CCT6B: variants seen among roughly 807,000 people sequenced by gnomAD.
CCT6B encodes chaperonin containing TCP1 subunit 6B, also known as probable T-complex protein 1 subunit zeta-2.
CCT6B carries 49 observed loss-of-function variants against 61.5 expected under a neutral mutation model. The observed-to-expected ratio is 0.80, with a 90% confidence interval of 0.63 to 1.01. The LOEUF is 1.01. CCT6B is among the 50% of genes least tolerant of loss of function. The probability of loss-of-function intolerance (pLI) is 0.00; values close to 1 mark genes in which losing one functional copy is unlikely to be tolerated. For missense variants in CCT6B, 666 were observed against 634.7 expected (o/e 1.05, Z -0.53); for synonymous variants, 228 against 214.5 (o/e 1.06, Z -0.55).
At chr17:34,957,315 T>C (rs1198022832) in intron 3 of CCT6B, among the ~76,000 whole-genome samples, 1 of 151,994 alleles carries the variant, frequency 6.6e-6, no homozygotes, top group African/African-American at 2.4e-5. Flanking sequence ...TGGCTAATTT[T>C]GTATTTTTAG....
intron 10 of CCT6B, among the ~76,000 whole-genome samples, chr17:34,937,444 C>T (rs2090107362): frequency 6.6e-6 from 1 of 152,072 alleles, no homozygotes; most frequent in Admixed American, 6.5e-5. Context: ...ATTTTTTATA[C>T]ACGAGAAAAG....
chr17:34,945,735 G>C (rs1254262739), intron 5 of CCT6B, among the ~76,000 whole-genome samples: 1 of 152,122 alleles, frequency 6.6e-6, no homozygotes, highest in Non-Finnish European at 1.5e-5. Flanking sequence ...CTCAGCAATA[G>C]TAGGCTAACT....
intron 5 of CCT6B, 64 bp from the exon 6 acceptor site, chr17:34,942,970 A>G: frequency 1.1e-6 from 1 of 887,202 alleles, no homozygotes; most frequent in Non-Finnish European, 1.8e-6. Context: ...TAAAATTATC[A>G]TTGTACTATT....
chr17:34,941,471 T>G (rs1373472887), intron 7 of CCT6B, among the ~76,000 whole-genome samples: 1 of 152,224 alleles, frequency 6.6e-6, no homozygotes, highest in Non-Finnish European at 1.5e-5. Context: ...CTTTTAAGTA[T>G]TGGAAAGCTG....
chr17:34,956,884 A>G (rs1465985261), intron 3 of CCT6B, among the ~76,000 whole-genome samples: 1 of 152,056 alleles, frequency 6.6e-6, no homozygotes, highest in Admixed American at 6.6e-5. Context: ...ATCATGGCTT[A>G]CTGCGGCCTC....
In CCT6B at chr17:34,940,597, A is replaced by C; in HGVS notation, c.910T>G (p.Ser304Ala). The C allele has an allele frequency of 6.4e-7, 1 of 1,561,468 alleles. No individual in the cohort carries two copies. Among genetic ancestry groups the C allele is most frequent in the Non-Finnish European group, 8.7e-7 (1 of 1,145,338 alleles). Residue 304 changes from serine (S) to alanine (A), a missense_variant, in exon 8 of 14, where the codon TCT (serine) becomes GCT (alanine). Ser to Ala is a moderately conservative substitution (Grantham distance 99, BLOSUM62 1). Transcript: ENST00000314144. ...QKGIDPFSLD[S>A]LAKHGIVALR... is the part of the protein sequence containing the mutation. ...GCTACTATTCCATGTTTTGCAAGAG[A>C]ATCTAAGGAAAATGGATCAATTCCC...
chr17:34,948,806 G>A (rs1196275930), intron 5 of CCT6B, among the ~76,000 whole-genome samples: 2 of 151,970 alleles, frequency 1.3e-5, no homozygotes, highest in East Asian at 1.9e-4. Context: ...GGCCAAGCAG[G>A]TGGATCCCTC....
chr17:34,942,478 T>C lies in CCT6B; in HGVS notation c.885+6A>G. On this transcript the variant is annotated splice_donor_region_variant and intron_variant, in intron 7 of 13. Transcript: ENST00000314144. ...AAATAACTAAAATCTAAACTTTCTT[T>C]CTCACCTTTTGATTAATGACGACAA... 5.7e-6 allele frequency: 9 copies of C among 1,582,696 alleles called. No individual in the cohort carries two copies. The highest frequency in any genetic ancestry group is 6.8e-6 in the Non-Finnish European group (8 of 1,170,158).
chr17:34,949,699 T>C (rs931938153), intron 5 of CCT6B: 7 of 152,144 alleles, frequency 4.6e-5, no homozygotes, highest in Admixed American at 3.3e-4. Flanking sequence ...CCAGAAAATA[T>C]GTAACAGTTT....
chr17:34,954,471 T>C lies in CCT6B; in HGVS notation c.465A>G (p.Ser155=). ...GTTCAGCATGAACTTTAGTTTGTAA[T>C]GATGTTCTAGCTACATCTAAGAGGA... ...RKILLDVART[S]LQTKVHAELA... The change falls in exon 4 of 14, where the codon TCA becomes TCG. Residue 155 remains serine, a synonymous_variant. Coordinates refer to ENST00000314144, the MANE Select transcript of CCT6B (RefSeq NM_006584.4). 6.2e-7 allele frequency: 1 copy of C among 1,613,056 alleles called. No individual in the cohort carries two copies. The highest frequency in any genetic ancestry group is 8.5e-7 in the Non-Finnish European group (1 of 1,179,648).
At chr17:34,946,987 C>G (rs1202190229) in intron 5 of CCT6B, among the ~76,000 whole-genome samples, 1 of 152,148 alleles carries the variant, frequency 6.6e-6, no homozygotes, top group Non-Finnish European at 1.5e-5. Flanking sequence ...TTAATCAAGT[C>G]ATATTGCTAT....
rs1029333805 is a variant in CCT6B at position 34,942,638 on chromosome 17, A to C, written c.731T>G (p.Val244Gly). The change falls in exon 7 of 14, where the codon GTG (valine) becomes GGG (glycine). Residue 244 changes from valine to glycine, a missense_variant. Physicochemically the swap from Val to Gly is moderately radical, Grantham distance 109 (BLOSUM62 -3). Coordinates refer to ENST00000314144, the MANE Select transcript of CCT6B (RefSeq NM_006584.4). ...AGTCTTATAAAAGAAACCAGAGTTC[A>C]CCTCTCTAAAAGATTAATAAAAACC... ...NVSLEYEKTE[V>G]NSGFFYKTAE... 1 of 1,584,190 alleles carries C rather than the reference A, an allele frequency of 6.3e-7. No individual in the cohort carries two copies. The highest frequency in any genetic ancestry group is 1.2e-5 in the South Asian group (1 of 85,286).
At chr17:34,958,766 C>T in intron 2 of CCT6B, 72 bp from the exon 3 acceptor site, 4 of 1,186,886 alleles carry the variant, frequency 3.4e-6, no homozygotes, top group Non-Finnish European at 4.6e-6. Flanking sequence ...AGCAAGATAA[C>T]CTAGGGGTCA....
intron 2 of CCT6B, 31 bp from the exon 3 acceptor site, chr17:34,958,725 A>T (rs1253318228): frequency 1.3e-6 from 2 of 1,555,766 alleles, no homozygotes; most frequent in Non-Finnish European, 1.7e-6. Context: ...ATTTAAAAAG[A>T]CAGGATGAGA....
chr17:34,949,095 GGAAAAGAAAAGA>G (rs1428345344), intron 5 of CCT6B, among the ~76,000 whole-genome samples: 2 of 86,360 alleles, frequency 2.3e-5, no homozygotes, highest in Non-Finnish European at 4.3e-5. Context: ...GGGAGGGGAG[GGAAAAGAAAAGA>G]GAAAAGAAAA....
chr17:34,943,032 AAC>A (rs1215327868), intron 5 of CCT6B, 126 bp from the exon 6 acceptor site: 2 of 626,528 alleles, frequency 3.2e-6, no homozygotes, highest in African/African-American at 1.9e-5. Context: ...TACCAATTTT[AAC>A]AGTTTTTGGT....
intron 5 of CCT6B, among the ~76,000 whole-genome samples, chr17:34,947,292 C>T (rs1020334343): frequency 1.3e-5 from 2 of 152,062 alleles, no homozygotes; most frequent in East Asian, 1.9e-4. Flanking sequence ...TAAACGATAG[C>T]ACTCAAAAAG....
chr17:34,954,645 A>T, intron 3 of CCT6B, 46 bp from the exon 4 acceptor site: 1 of 1,484,444 alleles, frequency 6.7e-7, no homozygotes. Context: ...AAGTCACCCA[A>T]TGTAAAAGTA....
chr17:34,948,390 T>C (rs977334701), intron 5 of CCT6B, among the ~76,000 whole-genome samples: 6 of 152,146 alleles, frequency 3.9e-5, no homozygotes, highest in African/African-American at 1.2e-4. Context: ...AGTAAAAACA[T>C]ACACAAAGAT....
Sources: gnomAD v4.1 joint callset for allele counts (sites outside exome capture counted in the v4.1 genomes callset) on GRCh38, gnomAD v4.1.1 for gene constraint, MANE v1.5 for transcripts, NCBI Gene and HGNC (gene_info 2026-07-23, HGNC 2026-07-21) for gene names.